The following MTUS2 variants were observed in gnomAD, a reference collection of about 807,000 sequenced individuals.
MTUS2 encodes microtubule-associated tumor suppressor candidate 2.
Under a neutral mutation model 114.1 loss-of-function variants are expected in MTUS2, and 40 were observed. The observed-to-expected ratio is 0.35, with a 90% CI of 0.27 to 0.46. The LOEUF is 0.46. Among genes scored for constraint, MTUS2 ranks in the 20% least tolerant of loss-of-function variants. The pLI is 1.00. For synonymous variants in MTUS2, 688 were observed against 672.0 expected (o/e 1.02, Z -0.37); for missense variants, 1,679 against 1,705.4 (o/e 0.98, Z 0.27).
intron 5 of MTUS2, among the ~76,000 whole-genome samples, chr13:29,125,881 C>G (rs904650098): frequency 1.3e-5 from 2 of 152,168 alleles, no homozygotes; most frequent in Admixed American, 6.5e-5. Context: ...TTGAGGCATC[C>G]CCTTACTGAA....
At chr13:29,008,425 A>G (rs1041217425) in intron 2 of MTUS2, among the ~76,000 whole-genome samples, 2 of 152,044 alleles carry the variant, frequency 1.3e-5, no homozygotes, top group East Asian at 1.9e-4. Flanking sequence ...TTCTGTTCCA[A>G]TCTGAACTGG....
At chr13:28,861,984 AC>A (rs1392849910) in intron 2 of MTUS2, among the ~76,000 whole-genome samples, 3 of 152,048 alleles carry the variant, frequency 2.0e-5, no homozygotes, top group Non-Finnish European at 2.9e-5. Flanking sequence ...GGGAAAGAAA[AC>A]CCTTTTTAGT....
intron 5 of MTUS2, among the ~76,000 whole-genome samples, chr13:29,208,812 A>G (rs926385846): frequency 5.9e-5 from 9 of 151,836 alleles, no homozygotes; most frequent in Admixed American, 2.0e-4. Context: ...TATAACTTCA[A>G]TTTTCTGAAA....
At chr13:29,362,626 G>T (rs1293384215) in intron 8 of MTUS2, among the ~76,000 whole-genome samples, 9 of 152,268 alleles carry the variant, frequency 5.9e-5, no homozygotes, top group African/African-American at 2.2e-4. Flanking sequence ...GACGGAGGTT[G>T]CAGTGAACCG....
chr13:29,367,784 T>C (rs1870846903), intron 8 of MTUS2, among the ~76,000 whole-genome samples: 2 of 151,266 alleles, frequency 1.3e-5, no homozygotes, highest in Admixed American at 1.3e-4. Context: ...TATGTGCATA[T>C]ACAGCTCAGA....
At chr13:29,207,839 G>A (rs1004593766) in intron 5 of MTUS2, among the ~76,000 whole-genome samples, 6 of 151,928 alleles carry the variant, frequency 3.9e-5, no homozygotes, top group Non-Finnish European at 7.4e-5. Flanking sequence ...ATTTTGTTGA[G>A]GATTTTTGCA....
intron 2 of MTUS2, among the ~76,000 whole-genome samples, chr13:28,925,861 C>T (rs935246784): frequency 6.6e-6 from 1 of 152,096 alleles, no homozygotes; most frequent in Non-Finnish European, 1.5e-5. Flanking sequence ...GATGGTTGCT[C>T]TTATTATGAA....
At chr13:29,462,230 C>T (rs1404888940) in intron 9 of MTUS2, among the ~76,000 whole-genome samples, 1 of 152,114 alleles carries the variant, frequency 6.6e-6, no homozygotes, top group East Asian at 1.9e-4. Context: ...TAAAAGTGTT[C>T]AAGAAATGGC....
chr13:29,100,404 A>G (rs1890360483), intron 4 of MTUS2, among the ~76,000 whole-genome samples: 1 of 152,214 alleles, frequency 6.6e-6, no homozygotes, highest in African/African-American at 2.4e-5. Flanking sequence ...GTGTATCTCA[A>G]TTTCACGAAT....
At chr13:29,426,460 G>A (rs1241987985) in intron 8 of MTUS2, among the ~76,000 whole-genome samples, 1 of 152,162 alleles carries the variant, frequency 6.6e-6, no homozygotes, top group Non-Finnish European at 1.5e-5. Flanking sequence ...CTGTATATTC[G>A]CATTGTAGTG....
intron 4 of MTUS2, among the ~76,000 whole-genome samples, chr13:29,084,903 G>C (rs1314411108): frequency 1.3e-5 from 2 of 151,764 alleles, no homozygotes; most frequent in African/African-American, 4.8e-5. Context: ...GATATGGTTT[G>C]GATGTGTGTC....
chr13:29,449,318 C>T (rs186604951), intron 9 of MTUS2, among the ~76,000 whole-genome samples: 2 of 152,134 alleles, frequency 1.3e-5, no homozygotes, highest in Non-Finnish European at 2.9e-5. Context: ...AGTATGCTCT[C>T]ATTTATGACT....
intron 8 of MTUS2, among the ~76,000 whole-genome samples, chr13:29,390,618 C>T (rs1008521228): frequency 6.7e-6 from 1 of 148,814 alleles, no homozygotes; most frequent in African/African-American, 2.5e-5. Context: ...CATCACTGCA[C>T]TCCAGCCTGG....
At chr13:29,265,712 G>T (rs1897641027) in intron 5 of MTUS2, among the ~76,000 whole-genome samples, 1 of 152,134 alleles carries the variant, frequency 6.6e-6, no homozygotes, top group South Asian at 2.1e-4. Flanking sequence ...ACCTTACATG[G>T]CAAAAGCAGG....
At chr13:29,134,879 C>T (rs1229781686) in intron 5 of MTUS2, among the ~76,000 whole-genome samples, 2 of 152,182 alleles carry the variant, frequency 1.3e-5, no homozygotes, top group Non-Finnish European at 2.9e-5. Context: ...AGCCACCGTA[C>T]CCGGCCAACA....
intron 4 of MTUS2, among the ~76,000 whole-genome samples, chr13:29,045,987 C>T (rs1887596872): frequency 6.6e-6 from 1 of 152,152 alleles, no homozygotes; most frequent in South Asian, 2.1e-4. Flanking sequence ...ATCTGGACAC[C>T]CAGGCTTGAG....
chr13:29,395,564 T>C (rs1385509513), intron 8 of MTUS2, among the ~76,000 whole-genome samples: 1 of 152,216 alleles, frequency 6.6e-6, no homozygotes, highest in Non-Finnish European at 1.5e-5. Context: ...AAAGGGTACC[T>C]GCAAAGTCAC....
Position 29,194,810 on chromosome 13 carries a change from G to T in MTUS2, c.2645-86894G>T, listed in dbSNP as rs1403163057. 7.6e-4 allele frequency among the ~76,000 whole-genome samples: 116 copies of T among 152,180 alleles called. 1 individual carries two copies. In the East Asian group the frequency reaches 0.021, roughly 28 times the overall value. Reference sequence around the variant, plus strand: ...CACATGCACATGCATGTTTATTGCAGCACTATTCACAATAGCAAAGACTTG... The same window carrying T: ...CACATGCACATGCATGTTTATTGCATCACTATTCACAATAGCAAAGACTTG... On this transcript the variant is annotated intron_variant, in intron 5 of 15. Transcript: ENST00000612955.
intron 5 of MTUS2, among the ~76,000 whole-genome samples, chr13:29,106,000 T>C (rs7982710): frequency 0.67 from 102,079 of 151,878 alleles, 35,026 homozygotes; most frequent in Non-Finnish European, 0.74. Context: ...GTTTGTCTCC[T>C]GGGTGCTAAG....
Sources: gnomAD v4.1 joint callset for allele counts (sites outside exome capture counted in the v4.1 genomes callset) on GRCh38, gnomAD v4.1.1 for gene constraint, MANE v1.5 for transcripts, NCBI Gene and HGNC (gene_info 2026-07-23, HGNC 2026-07-21) for gene names.